The following KIAA0319 variants were observed in gnomAD, a reference collection of about 807,000 sequenced individuals.
KIAA0319 encodes the protein dyslexia-associated protein KIAA0319.
Under a neutral mutation model 108.4 loss-of-function variants are expected in KIAA0319, and 83 were observed. The ratio of observed to expected loss-of-function variants is 0.77; its 90% confidence interval spans 0.64 to 0.92. KIAA0319 has a LOEUF of 0.92. KIAA0319 is among the 40% of genes least tolerant of loss of function. KIAA0319 has a pLI of 0.00. For synonymous variants in KIAA0319, 484 were observed against 510.4 expected, an observed-to-expected ratio of 0.95 and a Z score of 0.70; for missense variants, 1,195 against 1,322.4, an observed-to-expected ratio of 0.90 and a Z score of 1.49.
chr6:24,639,356 T>C (rs1776621355), intron 1 of KIAA0319, among the ~76,000 whole-genome samples: 1 of 151,978 alleles, frequency 6.6e-6, no homozygotes, highest in Admixed American at 6.6e-5. Flanking sequence ...TGCTAGGAAA[T>C]AATGGAAATA....
In KIAA0319 at chr6:24,641,801, G is replaced by A. The variant is rs77306504; in HGVS notation, c.-106+3935C>T. Reference sequence around the variant, plus strand: ...AATCCCAGCACTTTGGGAGGCGGAGGTGAGCAGGTCACTTGCGCCCAGGAG... The same window carrying A: ...AATCCCAGCACTTTGGGAGGCGGAGATGAGCAGGTCACTTGCGCCCAGGAG... On this transcript the variant is annotated intron_variant, in intron 1 of 20. Transcript: ENST00000378214. Among the ~76,000 whole-genome samples, 325 of 152,144 alleles carry A rather than the reference G, an allele frequency of 2.1e-3. 1 individual carries two copies. The highest frequency in any genetic ancestry group is 6.8e-3 in the African/African-American group (281 of 41,502).
intron 1 of KIAA0319, among the ~76,000 whole-genome samples, chr6:24,605,789 T>C (rs533232863): frequency 2.0e-5 from 3 of 152,306 alleles, no homozygotes; most frequent in East Asian, 3.9e-4. Context: ...CTGATCTGTA[T>C]TTTCTATTTT....
chr6:24,582,140 T>C (rs1176524878), intron 6 of KIAA0319, 109 bp downstream of exon 6: 2 of 697,092 alleles, frequency 2.9e-6, no homozygotes, highest in Non-Finnish European at 5.3e-6. Context: ...AGCAAGACTC[T>C]GTCCCCAAAA....
intron 16 of KIAA0319, among the ~76,000 whole-genome samples, chr6:24,562,888 CAATTA>C (rs1763296163): frequency 6.6e-6 from 1 of 151,960 alleles, no homozygotes; most frequent in Non-Finnish European, 1.5e-5. Flanking sequence ...AAATAAAACT[CAATTA>C]AATACAAAGA....
At chr6:24,558,795 C>G (rs2251350) in intron 17 of KIAA0319, among the ~76,000 whole-genome samples, 1 of 152,092 alleles carries the variant, frequency 6.6e-6, no homozygotes, top group South Asian at 2.1e-4. Context: ...ATAATCTTAA[C>G]TTTAGGCCCA....
chr6:24,581,004 C>G lies in KIAA0319; in HGVS notation c.1201G>C (p.Gly401Arg). The G allele has an allele frequency of 6.2e-7, 1 of 1,605,052 alleles. No individual in the cohort carries two copies. ...ACAGTGACTTTGAAGACATAAAGTCCGACGGACAACTGTAACATAAAGAAA... is the reference window on the plus strand; with the variant it reads ...ACAGTGACTTTGAAGACATAAAGTCGGACGGACAACTGTAACATAAAGAAA... ...QTLNLSQLSV[G>R]LYVFKVTVSS... The change falls in exon 7 of 21, where the codon GGA becomes CGA. Residue 401 changes from glycine (G) to arginine (R), a missense_variant. Gly to Arg is a moderately radical substitution (Grantham distance 125, BLOSUM62 -2). Coordinates refer to ENST00000378214, the MANE Select transcript of KIAA0319 (RefSeq NM_014809.4).
At chr6:24,602,529 G>A (rs966312662) in intron 1 of KIAA0319, among the ~76,000 whole-genome samples, 7 of 152,146 alleles carry the variant, frequency 4.6e-5, no homozygotes, top group Admixed American at 2.6e-4. Context: ...GGCCGGGTGC[G>A]GTGGCTCACG....
chr6:24,581,772 G>A (rs1272445897), intron 6 of KIAA0319, among the ~76,000 whole-genome samples: 2 of 152,212 alleles, frequency 1.3e-5, no homozygotes. Context: ...GCCATCCAAA[G>A]CCTCTTAACC....
Position 24,596,340 on chromosome 6 carries a change from G to A in KIAA0319, c.334C>T (p.Gln112Ter), listed in dbSNP as rs752796387. Residue 112 changes from glutamine to a stop codon, truncating the protein, a stop_gained, in exon 3 of 21, where the codon CAG becomes TAG. Transcript: ENST00000378214. LOFTEE classifies it high-confidence loss of function. ...FVLRPVQRPAQLLDYGDMMLN... is the reference protein window; with the variant it reads ...FVLRPVQRPA ...ATCATGTCCCCATAGTCCAGCAGCT[G>A]TGCAGGCCTCTGAACAGGCCGGAGC... The A allele has an allele frequency of 1.9e-6, 3 of 1,614,214 alleles. No homozygotes were observed. The highest frequency in any genetic ancestry group is 2.2e-5 in the South Asian group (2 of 91,084).
chr6:24,547,526 A>C (rs1046844883), intron 20 of KIAA0319, among the ~76,000 whole-genome samples, 183 bp from the exon 21 acceptor site: 3 of 152,170 alleles, frequency 2.0e-5, no homozygotes, highest in Admixed American at 2.0e-4. Flanking sequence ...TTGATGCCTC[A>C]CCCGAGCTTC....
At chr6:24,569,034 T>G in intron 12 of KIAA0319, 105 bp from the exon 13 acceptor site, 1 of 1,130,928 alleles carries the variant, frequency 8.8e-7, no homozygotes, top group Non-Finnish European at 1.3e-6. Context: ...AGCTATAATA[T>G]ATACCATTTA....
intron 2 of KIAA0319, chr6:24,600,730 G>C (rs1006981180): frequency 1.5e-5 from 21 of 1,395,128 alleles, no homozygotes; most frequent in Non-Finnish European, 1.9e-5. Context: ...TGAAAATAAA[G>C]ATTTCTGATA....
At chr6:24,543,593 A>T (rs913416185), downstream of KIAA0319, among the ~76,000 whole-genome samples, 4 of 152,232 alleles carry the variant, frequency 2.6e-5, no homozygotes, top group African/African-American at 9.6e-5. Context: ...ATGACCAGCT[A>T]AATTTTTGTG....
Position 24,563,378 on chromosome 6 carries a change from G to A in KIAA0319, c.2572C>T (p.Arg858Trp), listed in dbSNP as rs200127424. 1.5e-4 allele frequency: 243 copies of A among 1,613,076 alleles called. 1 individual carries two copies. The highest frequency in any genetic ancestry group is 1.5e-4 in the Non-Finnish European group (179 of 1,179,588). ...TCCTACCTGAGATCCGAGTGGGCCC[G>A]AATCTTCTGGACCTTAATGTCCGAG... ...LDSDIKVQKI[R>W]AHSDLSTVIV... The change falls in exon 16 of 21, where the codon CGG (arginine) becomes TGG (tryptophan). Residue 858 changes from arginine to tryptophan, a missense_variant. By Grantham distance (101) the Arg-to-Trp change is moderately radical (BLOSUM62 -3). Transcript: ENST00000378214.
At chr6:24,570,312 G>A (rs113986755) in intron 11 of KIAA0319, among the ~76,000 whole-genome samples, 10 of 152,234 alleles carry the variant, frequency 6.6e-5, no homozygotes, top group East Asian at 1.9e-4. Flanking sequence ...TCAGTCGGCC[G>A]GGCACAGTGG....
chr6:24,631,219 C>T (rs1775540935), intron 1 of KIAA0319, among the ~76,000 whole-genome samples: 1 of 152,214 alleles, frequency 6.6e-6, no homozygotes, highest in Non-Finnish European at 1.5e-5. Context: ...CTTGCCGTAT[C>T]AGCCACTACT....
At chr6:24,624,442 A>C (rs1198869783) in intron 1 of KIAA0319, among the ~76,000 whole-genome samples, 2 of 152,146 alleles carry the variant, frequency 1.3e-5, no homozygotes, top group Non-Finnish European at 2.9e-5. Context: ...CATACAAATA[A>C]AAATTTTTTT....
chr6:24,637,918 A>G (rs1776410652), intron 1 of KIAA0319, among the ~76,000 whole-genome samples: 1 of 152,224 alleles, frequency 6.6e-6, no homozygotes, highest in African/African-American at 2.4e-5. Flanking sequence ...ACAGCTGAAG[A>G]AACTAATGAA....
chr6:24,628,696 C>T (rs1371930141), intron 1 of KIAA0319, among the ~76,000 whole-genome samples: 1 of 152,170 alleles, frequency 6.6e-6, no homozygotes, highest in Non-Finnish European at 1.5e-5. Context: ...TGGGCCATGT[C>T]CCTCTGAGAG....
Sources: gnomAD v4.1 joint callset for allele counts (sites outside exome capture counted in the v4.1 genomes callset) on GRCh38, gnomAD v4.1.1 for gene constraint, MANE v1.5 for transcripts, NCBI Gene and HGNC (gene_info 2026-07-23, HGNC 2026-07-21) for gene names.